The following CCDC60 variants were observed in gnomAD, a reference collection of about 807,000 sequenced individuals.
CCDC60 encodes coiled-coil domain-containing protein 60.
A neutral mutation model predicts 63.5 loss-of-function variants in CCDC60; 54 were observed. That is an observed-to-expected ratio of 0.85 (90% confidence interval 0.68 to 1.07). CCDC60 has a LOEUF of 1.07. Among genes scored for constraint, CCDC60 ranks in the 50% least tolerant of loss-of-function variants. CCDC60 has a pLI of 0.00. For synonymous variants in CCDC60, 206 were observed against 238.8 expected (o/e 0.86, Z 1.27); for missense variants, 651 against 684.3 (o/e 0.95, Z 0.54).
At chr12:119,518,337 C>T (rs891348772) in intron 8 of CCDC60, among the ~76,000 whole-genome samples, 1 of 152,176 alleles carries the variant, frequency 6.6e-6, no homozygotes, top group Non-Finnish European at 1.5e-5. Flanking sequence ...TGCCCTTGGA[C>T]AAGTCATCTA....
intron 1 of CCDC60, among the ~76,000 whole-genome samples, chr12:119,403,086 A>T (rs935109108): frequency 1.3e-5 from 2 of 152,152 alleles, no homozygotes; most frequent in Non-Finnish European, 2.9e-5. Context: ...GGCTTTACCA[A>T]GTTGATGGCC....
intron 1 of CCDC60, among the ~76,000 whole-genome samples, chr12:119,396,038 A>G (rs953727351): frequency 6.6e-5 from 10 of 152,134 alleles, no homozygotes; most frequent in Admixed American, 6.5e-4. Context: ...CCCGGGTTCA[A>G]GCGATTCCTC....
At chr12:119,342,228 A>G (rs981435281) in intron 1 of CCDC60, among the ~76,000 whole-genome samples, 3 of 152,234 alleles carry the variant, frequency 2.0e-5, no homozygotes, top group Non-Finnish European at 2.9e-5. Context: ...ATTCCAGCAG[A>G]AAGAGGAAAA....
At chr12:119,505,044 CCTCT>C in intron 6 of CCDC60, 21 bp from the exon 7 acceptor site, 1 of 1,533,252 alleles carries the variant, frequency 6.5e-7, no homozygotes, top group African/African-American at 1.4e-5. Context: ...CTTCCTGAAA[CCTCT>C]CTTTCTTCTC....
At chr12:119,419,159 C>G (rs767335279) in intron 1 of CCDC60, among the ~76,000 whole-genome samples, 5 of 152,342 alleles carry the variant, frequency 3.3e-5, no homozygotes, top group Non-Finnish European at 7.3e-5. Flanking sequence ...TAGGGCTCCC[C>G]TGCCAAATCC....
At chr12:119,341,169 G>T (rs1454086977) in intron 1 of CCDC60, among the ~76,000 whole-genome samples, 1 of 152,202 alleles carries the variant, frequency 6.6e-6, no homozygotes, top group African/African-American at 2.4e-5. Flanking sequence ...AGCGAATCTT[G>T]CTGTGTCTAA....
At chr12:119,519,545 C>T (rs1952454759) in intron 8 of CCDC60, among the ~76,000 whole-genome samples, 1 of 150,548 alleles carries the variant, frequency 6.6e-6, no homozygotes, top group Non-Finnish European at 1.5e-5. Context: ...TCACTGCAAC[C>T]TCTGCCTCCC....
chr12:119,343,541 C>T (rs186095774), intron 1 of CCDC60, among the ~76,000 whole-genome samples: 385 of 151,974 alleles, frequency 2.5e-3, no homozygotes, highest in African/African-American at 8.9e-3. Context: ...GTTTTGAGGG[C>T]GCTAAAATGC....
intron 1 of CCDC60, among the ~76,000 whole-genome samples, chr12:119,425,863 T>C (rs1262460974): frequency 6.6e-6 from 1 of 152,212 alleles, no homozygotes; most frequent in Non-Finnish European, 1.5e-5. Context: ...TTGTGCTGTT[T>C]GGCTTCAGTC....
At chr12:119,519,430 TGTGTGC>T (rs1465581564) in intron 8 of CCDC60, among the ~76,000 whole-genome samples, 1 of 131,610 alleles carries the variant, frequency 7.6e-6, no homozygotes, top group Admixed American at 7.6e-5. Flanking sequence ...TGTGTGTGTG[TGTGTGC>T]GCGTGTGTGT....
rs575358924 is a variant in CCDC60 at position 119,487,318 on chromosome 12, G to T, written c.450-1441G>T. Among the ~76,000 whole-genome samples, 13 of 148,336 alleles carry T rather than the reference G, an allele frequency of 8.8e-5. No homozygotes were observed. In the East Asian group the frequency reaches 2.6e-3, roughly 29 times the overall value. On this transcript the variant is annotated intron_variant, in intron 4 of 13. Transcript: ENST00000327554. Reference sequence around the variant, plus strand: ...TGAGCTTTTTTTTTTTTTTTTCCGAGATGAAGTCTTGCTCTGTCACCCAGG... The same window carrying T: ...TGAGCTTTTTTTTTTTTTTTTCCGATATGAAGTCTTGCTCTGTCACCCAGG...
chr12:119,540,518 C>A, intron 13 of CCDC60, 96 bp from the exon 14 acceptor site: 1 of 844,340 alleles, frequency 1.2e-6, no homozygotes, highest in Non-Finnish European at 2.0e-6. Context: ...CCACCAGTCT[C>A]AGTCACAAAT....
chr12:119,395,144 G>C (rs1956228560), intron 1 of CCDC60, among the ~76,000 whole-genome samples: 1 of 152,218 alleles, frequency 6.6e-6, no homozygotes, highest in African/African-American at 2.4e-5. Flanking sequence ...TATCTGGGCA[G>C]AGGTGCAACC....
At chr12:119,504,347 A>T (rs1359669468) in intron 6 of CCDC60, among the ~76,000 whole-genome samples, 2 of 152,132 alleles carry the variant, frequency 1.3e-5, no homozygotes, top group Admixed American at 6.5e-5. Context: ...ACACACAGAC[A>T]GTCTGTGTGT....
intron 7 of CCDC60, among the ~76,000 whole-genome samples, chr12:119,514,342 A>ATTTTTT (rs34264020): frequency 1.6e-5 from 2 of 127,352 alleles, no homozygotes. Flanking sequence ...ACATCTGGCT[A>ATTTTTT]TTTTTTTTTT....
chr12:119,484,622 A>C (rs1279658336), intron 4 of CCDC60, among the ~76,000 whole-genome samples: 1 of 152,066 alleles, frequency 6.6e-6, no homozygotes, highest in Non-Finnish European at 1.5e-5. Flanking sequence ...CTGAAGTAGG[A>C]GGATCGCTTG....
intron 2 of CCDC60, among the ~76,000 whole-genome samples, chr12:119,435,749 C>A (rs1950312468): frequency 6.6e-6 from 1 of 152,156 alleles, no homozygotes; most frequent in South Asian, 2.1e-4. Flanking sequence ...ACAAACTACC[C>A]CCAAAACTCA....
chr12:119,495,154 G>A (rs1189071440), intron 5 of CCDC60, among the ~76,000 whole-genome samples: 1 of 152,166 alleles, frequency 6.6e-6, no homozygotes, highest in Non-Finnish European at 1.5e-5. Flanking sequence ...AAGTTGCACA[G>A]CTAGCAAAAG....
intron 12 of CCDC60, among the ~76,000 whole-genome samples, chr12:119,530,461 T>C (rs575780995): frequency 6.6e-6 from 1 of 151,610 alleles, no homozygotes; most frequent in South Asian, 2.1e-4. Flanking sequence ...AGATAGAAAA[T>C]ACACACACAC....
Sources: gnomAD v4.1 joint callset for allele counts (sites outside exome capture counted in the v4.1 genomes callset) on GRCh38, gnomAD v4.1.1 for gene constraint, MANE v1.5 for transcripts, NCBI Gene and HGNC (gene_info 2026-07-23, HGNC 2026-07-21) for gene names.